The following WWOX variants were observed in gnomAD, a reference collection of about 807,000 sequenced individuals.
WWOX encodes WW domain-containing oxidoreductase.
Under a neutral mutation model 46.2 loss-of-function variants are expected in WWOX, and 69 were observed. The ratio of observed to expected loss-of-function variants is 1.49; its 90% confidence interval spans 1.23 to 1.82. The LOEUF is 1.82. WWOX is among the 40% of genes most tolerant of loss of function. The probability of loss-of-function intolerance (pLI) is 0.00; values close to 1 mark genes in which losing one functional copy is unlikely to be tolerated. For synonymous variants in WWOX, 359 were observed against 202.6 expected, an observed-to-expected ratio of 1.77 and a Z score of -6.56; for missense variants, 919 against 542.6, an observed-to-expected ratio of 1.69 and a Z score of -6.89.
chr16:78,406,308 ATATATATATATATATATATATAT>A (rs1567553296), intron 6 of WWOX, among the ~76,000 whole-genome samples: 2 of 20,202 alleles, frequency 9.9e-5, no homozygotes, highest in African/African-American at 4.7e-4. Context: ...ATATAAATAT[ATATATATATATATATATATATAT>A]ATATATATAT....
intron 8 of WWOX, among the ~76,000 whole-genome samples, chr16:78,675,676 TA>T: frequency 6.6e-6 from 1 of 152,238 alleles, no homozygotes; most frequent in East Asian, 1.9e-4. Context: ...ATTAAATTTT[TA>T]AAAACATGAC....
chr16:79,013,675 C>G (rs1478225027), intron 8 of WWOX, among the ~76,000 whole-genome samples: 1 of 152,172 alleles, frequency 6.6e-6, no homozygotes, highest in African/African-American at 2.4e-5. Flanking sequence ...CGTGGATACA[C>G]TAATCTACCC....
intron 8 of WWOX, among the ~76,000 whole-genome samples, chr16:78,932,069 G>A (rs958577855): frequency 1.3e-5 from 2 of 152,324 alleles, no homozygotes; most frequent in East Asian, 1.9e-4. Context: ...CTGTGAGTCC[G>A]TTAAACCTCT....
intron 5 of WWOX, chr16:78,281,087 A>G (rs2079670650): frequency 6.6e-6 from 1 of 152,246 alleles, no homozygotes; most frequent in Admixed American, 6.5e-5. Context: ...TCGATATGCT[A>G]GAGTGATGTG....
Position 78,774,644 on chromosome 16 carries a change from G to A in WWOX, c.1056+341892G>A, listed in dbSNP as rs570255935. ...ATGGCGTTGTTCTTAACCATGAGGTGCTCCCAGGCTCCGGGCAGTTCCTTG... is the reference window on the plus strand; with the variant it reads ...ATGGCGTTGTTCTTAACCATGAGGTACTCCCAGGCTCCGGGCAGTTCCTTG... On this transcript the variant is annotated intron_variant, in intron 8 of 8. Transcript: ENST00000566780. Among the ~76,000 whole-genome samples, 108 of 152,162 alleles carry A rather than the reference G, an allele frequency of 7.1e-4. 1 individual carries two copies. The highest frequency in any genetic ancestry group is 2.6e-3 in the African/African-American group (107 of 41,530).
chr16:78,723,963 C>T (rs1432071614), intron 8 of WWOX, among the ~76,000 whole-genome samples: 1 of 152,098 alleles, frequency 6.6e-6, no homozygotes, highest in East Asian at 1.9e-4. Context: ...ACCATCCATC[C>T]CCCCATGGCC....
At chr16:79,082,642 C>G (rs1392172606) in intron 8 of WWOX, among the ~76,000 whole-genome samples, 1 of 152,188 alleles carries the variant, frequency 6.6e-6, no homozygotes, top group Non-Finnish European at 1.5e-5. Flanking sequence ...CCTATAGTTA[C>G]AGGCCATTTA....
Position 79,076,905 on chromosome 16 carries a change from T to G in WWOX, c.1057-134703T>G, listed in dbSNP as rs142507906. ...TTATTGTTTTATGCGTATTGTCCTG[T>G]TTCATCCTCATGCTTACCCTGAGAG... On this transcript the variant is annotated intron_variant, in intron 8 of 8. Transcript: ENST00000566780. Among the ~76,000 whole-genome samples, 549 of 152,338 alleles carry G rather than the reference T, an allele frequency of 3.6e-3. 5 individuals are homozygous for G. The highest frequency in any genetic ancestry group is 0.01 in the African/African-American group (428 of 41,578).
At chr16:78,381,705 G>A (rs941987209) in intron 5 of WWOX, among the ~76,000 whole-genome samples, 3 of 152,192 alleles carry the variant, frequency 2.0e-5, no homozygotes, top group African/African-American at 7.2e-5. Context: ...AAGATTCAGT[G>A]ATCTCAGAAC....
At chr16:79,049,604 G>A (rs2048128477) in intron 8 of WWOX, among the ~76,000 whole-genome samples, 1 of 152,104 alleles carries the variant, frequency 6.6e-6, no homozygotes, top group Non-Finnish European at 1.5e-5. Context: ...TTGGGAGGCC[G>A]AGGTGGGTGG....
intron 8 of WWOX, among the ~76,000 whole-genome samples, chr16:79,019,106 C>T (rs1218089885): frequency 8.3e-6 from 1 of 120,300 alleles, no homozygotes; most frequent in African/African-American, 3.2e-5. Flanking sequence ...TGCTGTGAGG[C>T]AAGATCACAC....
At chr16:78,437,632 T>C (rs745752105) in intron 8 of WWOX, among the ~76,000 whole-genome samples, 6 of 152,148 alleles carry the variant, frequency 3.9e-5, no homozygotes, top group Non-Finnish European at 8.8e-5. Flanking sequence ...GGGAGGGAAG[T>C]GTTTGTTTCT....
intron 8 of WWOX, chr16:79,017,296 G>A (rs1000118271): frequency 6.6e-6 from 1 of 151,820 alleles, no homozygotes; most frequent in Non-Finnish European, 1.5e-5. Context: ...CAGGCATGGT[G>A]GTGGGCACCT....
chr16:78,385,162 A>ACACAC (rs1567540757), intron 5 of WWOX, among the ~76,000 whole-genome samples: 1 of 30,750 alleles, frequency 3.3e-5, no homozygotes, highest in Non-Finnish European at 7.7e-5. Flanking sequence ...CACACACACA[A>ACACAC]AAGCACAGGG....
At chr16:78,710,850 C>T (rs1417600208) in intron 8 of WWOX, among the ~76,000 whole-genome samples, 1 of 152,010 alleles carries the variant, frequency 6.6e-6, no homozygotes, top group African/African-American at 2.4e-5. Context: ...CTCCTGAGCT[C>T]AAGCGATCCT....
intron 8 of WWOX, among the ~76,000 whole-genome samples, chr16:79,063,908 G>A (rs1387821083): frequency 6.6e-6 from 1 of 152,178 alleles, no homozygotes; most frequent in Admixed American, 6.5e-5. Flanking sequence ...AATGAGACTA[G>A]TATGGAGCAA....
chr16:78,119,702 G>A (rs2032994134), intron 4 of WWOX, among the ~76,000 whole-genome samples: 1 of 151,638 alleles, frequency 6.6e-6, no homozygotes, highest in African/African-American at 2.4e-5. Context: ...CTGGGTTCAA[G>A]TGATCCTCCC....
At chr16:78,938,788 T>C (rs1291674177) in intron 8 of WWOX, among the ~76,000 whole-genome samples, 1 of 151,970 alleles carries the variant, frequency 6.6e-6, no homozygotes, top group East Asian at 1.9e-4. Context: ...TTATACCAGA[T>C]AAAGTGATAG....
intron 5 of WWOX, among the ~76,000 whole-genome samples, chr16:78,376,077 T>G (rs78555058): frequency 0.028 from 4,336 of 152,236 alleles, 172 homozygotes; most frequent in African/African-American, 0.079. Flanking sequence ...CTCGAACTCC[T>G]GACCTCAAGT....
Sources: gnomAD v4.1 joint callset for allele counts (sites outside exome capture counted in the v4.1 genomes callset) on GRCh38, gnomAD v4.1.1 for gene constraint, MANE v1.5 for transcripts, NCBI Gene and HGNC (gene_info 2026-07-23, HGNC 2026-07-21) for gene names.